MYOF: variants seen among roughly 807,000 people sequenced by gnomAD.
MYOF encodes the protein myoferlin.
Under a neutral mutation model 284.2 loss-of-function variants are expected in MYOF, and 244 were observed. That is an observed-to-expected ratio of 0.86 (90% CI 0.77 to 0.95). The LOEUF is 0.95. Among genes scored for constraint, MYOF ranks in the 40% least tolerant of loss-of-function variants. The pLI is 0.00. For synonymous variants in MYOF, 904 were observed against 919.7 expected, an observed-to-expected ratio of 0.98 and a Z score of 0.31; for missense variants, 2,496 against 2,560.6, an observed-to-expected ratio of 0.97 and a Z score of 0.54.
At chr10:93,378,693 G>GTGTGTGTGTGTGTATATATATATATATA in intron 21 of MYOF, among the ~76,000 whole-genome samples, 3 of 87,892 alleles carry the variant, frequency 3.4e-5, no homozygotes, top group South Asian at 1.1e-3. Flanking sequence ...GTGTGTGTGT[G>GTGTGTGTGTGTGTATATATATATATATA]TATATATATA....
intron 5 of MYOF, among the ~76,000 whole-genome samples, chr10:93,414,687 G>T (rs1848044175): frequency 6.6e-6 from 1 of 152,146 alleles, no homozygotes; most frequent in Non-Finnish European, 1.5e-5. Flanking sequence ...CCACTATTCA[G>T]TCCACTAGAG....
intron 13 of MYOF, among the ~76,000 whole-genome samples, chr10:93,398,192 C>A (rs1847113824): frequency 6.6e-6 from 1 of 152,130 alleles, no homozygotes; most frequent in African/African-American, 2.4e-5. Flanking sequence ...CATGGGCAGG[C>A]CTTCCCTGCT....
intron 35 of MYOF, among the ~76,000 whole-genome samples, chr10:93,350,495 T>C (rs1330898844): frequency 6.6e-6 from 1 of 152,136 alleles, no homozygotes; most frequent in Admixed American, 6.5e-5. Flanking sequence ...GTATTTTTAG[T>C]AGAGGCAGGG....
intron 1 of MYOF, among the ~76,000 whole-genome samples, chr10:93,473,023 A>T (rs1233223367): frequency 1.3e-5 from 2 of 152,222 alleles, no homozygotes; most frequent in Admixed American, 6.5e-5. Flanking sequence ...CACTCTGTAG[A>T]TGAGGAAATG....
chr10:93,420,327 C>G (rs955211645), intron 5 of MYOF, among the ~76,000 whole-genome samples: 4 of 152,068 alleles, frequency 2.6e-5, no homozygotes, highest in Non-Finnish European at 5.9e-5. Context: ...TGACATCTGG[C>G]GAATTAAGTT....
chr10:93,373,760 C>T (rs558667280), intron 23 of MYOF, among the ~76,000 whole-genome samples: 77 of 152,306 alleles, frequency 5.1e-4, no homozygotes, highest in African/African-American at 1.8e-3. Context: ...CAGGAGGAGT[C>T]GTCTCCTTAC....
At chr10:93,412,623 G>C (rs996508043) in intron 5 of MYOF, among the ~76,000 whole-genome samples, 13 of 152,130 alleles carry the variant, frequency 8.5e-5, no homozygotes, top group African/African-American at 3.1e-4. Flanking sequence ...TCAACCCATA[G>C]GCTTCCCCTA....
chr10:93,373,888 TC>T (rs1845712413), intron 23 of MYOF, among the ~76,000 whole-genome samples: 1 of 152,154 alleles, frequency 6.6e-6, no homozygotes, highest in South Asian at 2.1e-4. Context: ...TACTTTAAGT[TC>T]TAGGGTACAT....
intron 37 of MYOF, 89 bp from the exon 38 acceptor site, chr10:93,344,021 G>T: frequency 7.2e-7 from 1 of 1,391,448 alleles, no homozygotes; most frequent in Admixed American, 1.9e-5. Context: ...ACAGCCATAG[G>T]GTGGATGGTA....
chr10:93,365,692 CTT>C (rs1300220438), intron 26 of MYOF, among the ~76,000 whole-genome samples: 4 of 152,190 alleles, frequency 2.6e-5, no homozygotes, highest in Non-Finnish European at 5.9e-5. Flanking sequence ...CTGCGAGTCT[CTT>C]GTGTTTCTGC....
At chr10:93,411,126 CTG>C (rs1484171106) in intron 5 of MYOF, among the ~76,000 whole-genome samples, 1 of 152,258 alleles carries the variant, frequency 6.6e-6, no homozygotes, top group East Asian at 1.9e-4. Context: ...AATAAATTAA[CTG>C]TTTATTTTTT....
rs78884558 is a variant in MYOF, at chr10:93,464,086, A to G, written c.89-7149T>C. ...CACTCAGTTGACTTTAAGTAAAGCA[A>G]AATTACCCTCTATAATTTAGATGGG... On this transcript the variant is annotated intron_variant, in intron 1 of 53. Transcript: ENST00000359263. Among the ~76,000 whole-genome samples the G allele has an allele frequency of 7.7e-3, 1,170 of 152,324 alleles. 10 individuals carry two copies. The highest frequency in any genetic ancestry group is 0.026 in the African/African-American group (1,100 of 41,570).
At chr10:93,403,888 C>T in intron 9 of MYOF, 135 bp downstream of exon 9, 3 of 910,974 alleles carry the variant, frequency 3.3e-6, no homozygotes, top group South Asian at 1.5e-5. Flanking sequence ...CCCAAGCAGC[C>T]TTCAGCAAGT....
intron 35 of MYOF, 52 bp downstream of exon 35, chr10:93,351,145 C>A: frequency 6.4e-7 from 1 of 1,552,064 alleles, no homozygotes; most frequent in Non-Finnish European, 8.9e-7. Context: ...AGATTCCTGT[C>A]CTGCAGTCAC....
At chr10:93,396,679 C>T (rs1207813712) in intron 15 of MYOF, among the ~76,000 whole-genome samples, 2 of 152,106 alleles carry the variant, frequency 1.3e-5, no homozygotes, top group Non-Finnish European at 2.9e-5. Context: ...TTGTGATGAT[C>T]ATGATGATGG....
At chr10:93,339,191 T>G (rs1843761276) in intron 39 of MYOF, among the ~76,000 whole-genome samples, 1 of 151,998 alleles carries the variant, frequency 6.6e-6, no homozygotes, top group Admixed American at 6.6e-5. Flanking sequence ...TTTTGTATTT[T>G]TAGTAGAGAT....
At chr10:93,429,878 C>G (rs1043470439) in intron 4 of MYOF, among the ~76,000 whole-genome samples, 1 of 151,774 alleles carries the variant, frequency 6.6e-6, no homozygotes, top group East Asian at 1.9e-4. Flanking sequence ...AAAGCACATG[C>G]ACTAGAGAAA....
At chr10:93,457,795 A>C in intron 1 of MYOF, among the ~76,000 whole-genome samples, 1 of 149,170 alleles carries the variant, frequency 6.7e-6, no homozygotes, top group African/African-American at 2.5e-5. Context: ...GTATAGTGGC[A>C]CTATTTCGGC....
At chr10:93,451,591 G>T (rs993207693) in intron 3 of MYOF, among the ~76,000 whole-genome samples, 2 of 152,064 alleles carry the variant, frequency 1.3e-5, no homozygotes, top group Non-Finnish European at 2.9e-5. Flanking sequence ...GGTCTGTTTA[G>T]GTCTGTTGGG....
Sources: gnomAD v4.1 joint callset for allele counts (sites outside exome capture counted in the v4.1 genomes callset) on GRCh38, gnomAD v4.1.1 for gene constraint, MANE v1.5 for transcripts, NCBI Gene and HGNC (gene_info 2026-07-23, HGNC 2026-07-21) for gene names.